IMMP2L: variants seen among roughly 807,000 people sequenced by gnomAD.
IMMP2L encodes the protein inner mitochondrial membrane peptidase subunit 2.
In IMMP2L, 18 loss-of-function variants were observed where a neutral mutation model predicts 19.3. That is an observed-to-expected ratio of 0.93 (90% confidence interval 0.64 to 1.38). The LOEUF (loss-of-function observed/expected upper bound fraction) is 1.38, where lower values mean the gene tolerates loss of function less well. Among genes scored for constraint, IMMP2L ranks in the 40% most tolerant of loss-of-function variants. The pLI is 0.00. For missense variants in IMMP2L, 233 were observed against 218.2 expected (o/e 1.07, Z -0.43); for synonymous variants, 76 against 73.0 (o/e 1.04, Z -0.21).
At chr7:110,824,703 A>C (rs551466459) in intron 5 of IMMP2L, among the ~76,000 whole-genome samples, 257 of 152,182 alleles carry the variant, frequency 1.7e-3, no homozygotes, top group African/African-American at 6.1e-3. Flanking sequence ...ACCTATGTGC[A>C]TGCTTTTGAA....
intron 3 of IMMP2L, among the ~76,000 whole-genome samples, chr7:111,358,018 T>C (rs923850109): frequency 3.3e-5 from 5 of 151,870 alleles, no homozygotes; most frequent in African/African-American, 9.7e-5. Context: ...TTTGATACCC[T>C]ATCTCAGAGT....
At chr7:111,001,027 A>G (rs571922101) in intron 3 of IMMP2L, among the ~76,000 whole-genome samples, 2 of 152,326 alleles carry the variant, frequency 1.3e-5, no homozygotes, top group Non-Finnish European at 2.9e-5. Flanking sequence ...GATCTATGCA[A>G]ACAATGATAC....
intron 5 of IMMP2L, among the ~76,000 whole-genome samples, chr7:110,773,909 TA>T (rs67518606): frequency 0.032 from 4,420 of 138,302 alleles, 81 homozygotes; most frequent in Middle Eastern, 0.053. Context: ...TTGGGTAAAA[TA>T]AAAAAAAAAA....
intron 4 of IMMP2L, among the ~76,000 whole-genome samples, chr7:110,932,419 T>G (rs986776935): frequency 6.6e-6 from 1 of 152,086 alleles, no homozygotes; most frequent in African/African-American, 2.4e-5. Context: ...AGTGGCAAGA[T>G]CTCAGCTCAC....
At chr7:110,678,344 C>T (rs895206227) in intron 5 of IMMP2L, among the ~76,000 whole-genome samples, 4 of 152,068 alleles carry the variant, frequency 2.6e-5, no homozygotes, top group African/African-American at 7.2e-5. Context: ...TTTAAATATG[C>T]TGTTTATAGA....
chr7:110,997,848 A>G (rs1056021430), intron 3 of IMMP2L, among the ~76,000 whole-genome samples: 1 of 152,238 alleles, frequency 6.6e-6, no homozygotes, highest in South Asian at 2.1e-4. Flanking sequence ...CAGTATGAAG[A>G]ATTCAGGAAA....
chr7:110,747,749 C>T (rs1797450993), intron 5 of IMMP2L, among the ~76,000 whole-genome samples: 1 of 152,100 alleles, frequency 6.6e-6, no homozygotes, highest in Non-Finnish European at 1.5e-5. Context: ...GAACGTATTT[C>T]AAAATAATAA....
At chr7:111,137,501 T>C (rs1208121217) in intron 3 of IMMP2L, among the ~76,000 whole-genome samples, 1 of 152,252 alleles carries the variant, frequency 6.6e-6, no homozygotes, top group East Asian at 1.9e-4. Flanking sequence ...TTCTATTTCA[T>C]ACACTCAGAC....
intron 3 of IMMP2L, among the ~76,000 whole-genome samples, chr7:111,224,642 A>C (rs542964514): frequency 6.6e-6 from 1 of 152,132 alleles, no homozygotes; most frequent in Non-Finnish European, 1.5e-5. Context: ...AGTGAACTCA[A>C]TGGACTCCTG....
intron 3 of IMMP2L, among the ~76,000 whole-genome samples, chr7:111,042,657 C>T (rs1054081724): frequency 2.0e-5 from 3 of 152,258 alleles, no homozygotes; most frequent in East Asian, 1.9e-4. Flanking sequence ...TTTTATACTC[C>T]GCCTAAAATC....
intron 3 of IMMP2L, among the ~76,000 whole-genome samples, chr7:111,132,816 A>G (rs1801974486): frequency 1.3e-5 from 2 of 152,038 alleles, no homozygotes; most frequent in Admixed American, 1.3e-4. Context: ...GTGATCATCT[A>G]TATGTCTGAG....
chr7:111,469,384 T>C (rs2132085885), intron 3 of IMMP2L, among the ~76,000 whole-genome samples: 1 of 152,276 alleles, frequency 6.6e-6, no homozygotes, highest in East Asian at 1.9e-4. Flanking sequence ...TTCCTACCCA[T>C]GAGCATGGAA....
intron 3 of IMMP2L, among the ~76,000 whole-genome samples, chr7:110,983,618 C>T (rs1450340395): frequency 6.6e-6 from 1 of 151,902 alleles, no homozygotes; most frequent in Non-Finnish European, 1.5e-5. Context: ...TGGATTCTAC[C>T]TGTTTTGCTA....
At chr7:110,987,503 T>C (rs1238603643) in intron 3 of IMMP2L, among the ~76,000 whole-genome samples, 1 of 152,176 alleles carries the variant, frequency 6.6e-6, no homozygotes, top group African/African-American at 2.4e-5. Flanking sequence ...GGATAGCATT[T>C]CCCAAACTGC....
At chr7:111,475,236 G>T (rs1259599160) in intron 3 of IMMP2L, among the ~76,000 whole-genome samples, 1 of 151,906 alleles carries the variant, frequency 6.6e-6, no homozygotes, top group Non-Finnish European at 1.5e-5. Flanking sequence ...TCTCCTTAAT[G>T]GAAATAAACA....
chr7:111,075,839 A>T (rs937081248), intron 3 of IMMP2L, among the ~76,000 whole-genome samples: 2 of 152,138 alleles, frequency 1.3e-5, no homozygotes, highest in African/African-American at 4.8e-5. Context: ...TTTAAATTTG[A>T]TGTGTCCATT....
In IMMP2L at chr7:110,844,860, T is replaced by G. The variant is rs967198878; in HGVS notation, c.408+41733A>C. On this transcript the variant is annotated intron_variant, in intron 5 of 5. Coordinates refer to ENST00000405709, the MANE Select transcript of IMMP2L (RefSeq NM_032549.4). ...AAATTTACTGGTCACAGGGTTCCAT[T>G]ACATGTACACCAAGGACAACATAAA... 2.0e-5 allele frequency among the ~76,000 whole-genome samples: 3 copies of G among 151,748 alleles called. No individual in the cohort carries two copies. The South Asian group carries it at 6.3e-4, about 32-fold the overall frequency.
At chr7:110,963,617 G>A (rs1218875628) in intron 3 of IMMP2L, 52 bp from the exon 4 acceptor site, 3 of 1,171,080 alleles carry the variant, frequency 2.6e-6, no homozygotes. Context: ...GTTGTTTTAG[G>A]AAGATGAAAA....
At chr7:111,376,236 C>G (rs182822331) in intron 3 of IMMP2L, among the ~76,000 whole-genome samples, 30 of 151,968 alleles carry the variant, frequency 2.0e-4, no homozygotes, top group African/African-American at 6.5e-4. Flanking sequence ...AAAATAAATT[C>G]CAAAAGTAAA....
Sources: gnomAD v4.1 joint callset for allele counts (sites outside exome capture counted in the v4.1 genomes callset) on GRCh38, gnomAD v4.1.1 for gene constraint, MANE v1.5 for transcripts, NCBI Gene and HGNC (gene_info 2026-07-23, HGNC 2026-07-21) for gene names.